Variants in ETAA1 observed in about 807,000 individuals in gnomAD.
The protein encoded by ETAA1 is ewing's tumor-associated antigen 1.
Under a neutral mutation model 76.8 loss-of-function variants are expected in ETAA1, and 49 were observed. The observed-to-expected ratio is 0.64, with a 90% confidence interval of 0.51 to 0.81. The LOEUF (loss-of-function observed/expected upper bound fraction) is 0.81. ETAA1 is among the 30% of genes least tolerant of loss of function. The pLI, the probability that ETAA1 is intolerant of heterozygous loss-of-function variation, is 0.00. For missense variants in ETAA1, 1,099 were observed against 1,074.0 expected, an observed-to-expected ratio of 1.02 and a Z score of -0.32; for synonymous variants, 373 against 372.2, an observed-to-expected ratio of 1.00 and a Z score of -0.03.
At position 67,397,388 on chromosome 2, in the gene ETAA1, C is replaced by A. The variant is rs1262762384; in HGVS notation, c.-61C>A. 4 of 1,495,516 alleles carry A rather than the reference C, an allele frequency of 2.7e-6. No individual in the cohort carries two copies. The Admixed American group carries it at 5.9e-5, about 22-fold the overall frequency. 92.6% of individuals were successfully genotyped at this position (1,495,516 alleles called of 1,614,324 possible). ...GGGGTGCGGTTTGTAGTGCTGTTGC[C>A]CTACTCATCCCTTTGCAAAATGTGA... is the stretch of plus-strand genomic sequence containing the variant. On this transcript the variant is annotated 5_prime_UTR_variant, in exon 1 of 6. Transcript: ENST00000272342.
At position 67,397,677 on chromosome 2, in the gene ETAA1, A is replaced by G; in HGVS notation, c.223+6A>G. 4.5e-6 allele frequency: 7 copies of G among 1,544,726 alleles called. No homozygotes were observed. The South Asian group carries it at 7.2e-5, about 16-fold the overall frequency. On this transcript the variant is annotated splice_donor_region_variant and intron_variant, in intron 1 of 5. Transcript: ENST00000272342. Reference sequence around the variant, plus strand: ...CAGTAAAAGTAACCCCGAGGGTGAGACGTCGGCAGCGCGGCCTGCCTTGGC... The same window carrying G: ...CAGTAAAAGTAACCCCGAGGGTGAGGCGTCGGCAGCGCGGCCTGCCTTGGC...
Position 67,399,212 on chromosome 2 carries a change from G to T in ETAA1, c.267G>T (p.Leu89=). 1.2e-6 allele frequency: 2 copies of T among 1,613,478 alleles called. No individual in the cohort carries two copies. The highest frequency in any genetic ancestry group is 1.7e-6 in the Non-Finnish European group (2 of 1,179,528). ...TPKRALKMDS[L]SSSFSSPNDP... ...AGAGAGCGCTGAAAATGGACTCACT[G>T]TCATCTTCCTTCAGTTCTCCTAATG... Residue 89 remains leucine (L), a synonymous_variant, in exon 2 of 6, where the codon CTG becomes CTT. Transcript: ENST00000272342.
In ETAA1 at chr2:67,397,941, C is replaced by T. The variant is rs977584546; in HGVS notation, c.223+270C>T. Among the ~76,000 whole-genome samples the T allele has an allele frequency of 2.0e-5, 3 of 152,320 alleles. No individual in the cohort carries two copies. The South Asian group carries it at 6.2e-4, about 32-fold the overall frequency. On this transcript the variant is annotated intron_variant, in intron 1 of 5. Coordinates refer to ENST00000272342, the MANE Select transcript of ETAA1 (RefSeq NM_019002.4). ...TTACCTGTTTGCGGGAGGGCGGCTG[C>T]TTTCCAGGCTGCTCCTCCAGTCAGC...
In ETAA1 at chr2:67,397,396, T is replaced by C. The variant is rs1675901335; in HGVS notation, c.-53T>C. ...GTTTGTAGTGCTGTTGCCCTACTCA[T>C]CCCTTTGCAAAATGTGAAAGAAGAA... On this transcript the variant is annotated 5_prime_UTR_variant, in exon 1 of 6. Transcript: ENST00000272342. 1.3e-6 allele frequency: 2 copies of C among 1,533,352 alleles called. No individual in the cohort carries two copies. The highest frequency in any genetic ancestry group is 2.7e-5 in the African/African-American group (2 of 72,828). The allele number at this position is 1,533,352 out of a possible 1,614,324, so 95.0% of individuals were successfully genotyped here. A position where few individuals can be genotyped will look rare whatever the true frequency, so the allele number is the denominator to read the frequency against.
In ETAA1 at chr2:67,403,264, G is replaced by A. The variant is rs138219458; in HGVS notation, c.582G>A (p.Leu194=). The A allele has an allele frequency of 4.5e-5, 72 of 1,587,782 alleles. No individual in the cohort carries two copies. The highest frequency in any genetic ancestry group is 5.6e-5 in the Non-Finnish European group (66 of 1,171,144). ...TQSQEEELMK[L]AKQFDKNMEE... ...GTCAAGAAGAAGAACTTATGAAACT[G>A]GCTAAACAATTTGATAAAAATATGG... The change falls in exon 5 of 6, where the codon CTG becomes CTA. Residue 194 remains leucine, a synonymous_variant. Coordinates refer to ENST00000272342, the MANE Select transcript of ETAA1 (RefSeq NM_019002.4).
chr2:67,399,398 A>C, intron 2 of ETAA1, 101 bp downstream of exon 2: 1 of 1,205,716 alleles, frequency 8.3e-7, no homozygotes, highest in Non-Finnish European at 1.2e-6. Flanking sequence ...ACCTCTGAGA[A>C]TGTTATATGA....
Position 67,397,581 on chromosome 2 carries a change from C to T in ETAA1, c.133C>T (p.Pro45Ser), listed in dbSNP as rs750398783. Reference protein sequence around the residue: ...RRLRSARGSWPCGAREGPPGP... With the variant: ...RRLRSARGSWSCGAREGPPGP... ...GCTGAGATCGGCCCGCGGTTCGTGG[C>T]CCTGCGGGGCTAGAGAGGGGCCTCC... The change falls in exon 1 of 6, where the codon CCC becomes TCC. Residue 45 changes from proline (P) to serine (S), a missense_variant. By Grantham distance (74) the Pro-to-Ser change is moderately conservative. This residue lies in a region of ETAA1 where 761 missense variants were observed against 731.9 expected (regional missense o/e 1.04). Transcript: ENST00000272342. 1 of 1,558,208 alleles carries T rather than the reference C, an allele frequency of 6.4e-7. No homozygotes were observed. Among genetic ancestry groups the T allele is most frequent in the South Asian group, 1.2e-5 (1 of 84,886 alleles).
intron 1 of ETAA1, among the ~76,000 whole-genome samples, chr2:67,398,538 G>A (rs1043815252): frequency 5.3e-5 from 8 of 151,714 alleles, no homozygotes; most frequent in Admixed American, 2.6e-4. Flanking sequence ...GGGTTTCACC[G>A]TGTTAGCCAG....
At chr2:67,398,500 T>G (rs2103738593) in intron 1 of ETAA1, among the ~76,000 whole-genome samples, 1 of 151,952 alleles carries the variant, frequency 6.6e-6, no homozygotes, top group Non-Finnish European at 1.5e-5. Flanking sequence ...CTCGCCCGGC[T>G]AATTTTTTGT....
Position 67,403,671 on chromosome 2 carries a change from T to C in ETAA1, c.989T>C (p.Leu330Pro). ...KEEKIITNET[L>P]VIEKLSNKTP... is the part of the protein sequence containing the mutation. The stretch of plus-strand genomic sequence containing the variant: ...GAGAAAATCATTACTAATGAAACTC[T>C]GGTCATTGAAAAACTGTCAAATAAA... Residue 330 changes from leucine (L) to proline (P), a missense_variant, in exon 5 of 6, where the codon CTG becomes CCG. This residue lies in a region of ETAA1 where 761 missense variants were observed against 731.9 expected (regional missense o/e 1.04). Coordinates refer to ENST00000272342, the MANE Select transcript of ETAA1 (RefSeq NM_019002.4). 6.2e-7 allele frequency: 1 copy of C among 1,613,424 alleles called. No homozygotes were observed. Among genetic ancestry groups the C allele is most frequent in the Non-Finnish European group, 8.5e-7 (1 of 1,179,480 alleles).
intron 3 of ETAA1, chr2:67,401,294 A>T (rs1025159600): frequency 2.0e-5 from 3 of 152,034 alleles, no homozygotes; most frequent in African/African-American, 7.2e-5. Context: ...TCTCAGAATG[A>T]CAAATACTTA....
Position 67,404,082 on chromosome 2 carries a change from C to CAA in ETAA1, c.1402_1403dup (p.Asn468LysfsTer13). 1 of 1,595,598 alleles carries CAA rather than the reference C, an allele frequency of 6.3e-7. No homozygotes were observed. Among genetic ancestry groups the CAA allele is most frequent in the South Asian group, 1.1e-5 (1 of 88,470 alleles). The stretch of plus-strand genomic sequence containing the variant: ...GCAGAATATAGATTTTCACCAAATT[C>CAA]AAATAAATCAAACAAATTATCCACT... On this transcript the variant is annotated frameshift_variant, in exon 5 of 6. Transcript: ENST00000272342. LOFTEE classifies it high-confidence loss of function.
intron 5 of ETAA1, among the ~76,000 whole-genome samples, chr2:67,408,290 G>A (rs1676272476): frequency 6.6e-6 from 1 of 151,998 alleles, no homozygotes; most frequent in Non-Finnish European, 1.5e-5. Flanking sequence ...TGTATAGCCA[G>A]CACACTAAAA....
chr2:67,406,009 CCTTTCAATT>C, intron 5 of ETAA1, among the ~76,000 whole-genome samples: 1 of 152,148 alleles, frequency 6.6e-6, no homozygotes, highest in East Asian at 1.9e-4. Context: ...TTATCTATCT[CCTTTCAATT>C]CTTATCTCCA....
At chr2:67,405,443 A>G (rs537555820) in intron 5 of ETAA1, 108 bp downstream of exon 5, 1 of 755,676 alleles carries the variant, frequency 1.3e-6, no homozygotes, top group Non-Finnish European at 2.0e-6. Flanking sequence ...AAACTATTCT[A>G]TGACTAGTTA....
At chr2:67,398,791 G>A (rs1189895973) in intron 1 of ETAA1, among the ~76,000 whole-genome samples, 2 of 152,142 alleles carry the variant, frequency 1.3e-5, no homozygotes, top group Non-Finnish European at 2.9e-5. Flanking sequence ...TTGGTGAAAG[G>A]GGGCTAAACA....
At position 67,410,530 on chromosome 2, in the gene ETAA1, T is replaced by C. The variant is rs980692222; in HGVS notation, c.*492T>C. On this transcript the variant is annotated 3_prime_UTR_variant, in exon 6 of 6. Coordinates refer to ENST00000272342, the MANE Select transcript of ETAA1 (RefSeq NM_019002.4). ...ATGGTTGATATGAAATAAAGGACTT[T>C]TTATTTGTAAGGAAATTATGTTCAG... is the stretch of plus-strand genomic sequence containing the variant. 6.6e-6 allele frequency: 1 copy of C among 152,088 alleles called. No homozygotes were observed. The highest frequency in any genetic ancestry group is 1.5e-5 in the Non-Finnish European group (1 of 67,974). 9.4% of individuals were successfully genotyped at this position (152,088 alleles called of 1,614,324 possible). A position where few individuals can be genotyped will look rare whatever the true frequency, so the allele number is the denominator to read the frequency against.
At position 67,403,977 on chromosome 2, in the gene ETAA1, C is replaced by T. The variant is rs928656658; in HGVS notation, c.1295C>T (p.Thr432Ile). The change falls in exon 5 of 6, where the codon ACA becomes ATA. Residue 432 changes from threonine to isoleucine, a missense_variant. This residue lies in a region of ETAA1 where 761 missense variants were observed against 731.9 expected (regional missense o/e 1.04). Transcript: ENST00000272342. The part of the protein sequence containing the change: ...KTVKNTSRAN[T>I]SPDARLGDSK... The stretch of plus-strand genomic sequence containing the variant: ...GTTAAAAATACGTCAAGAGCAAATA[C>T]AAGTCCAGATGCCAGGTTAGGAGAT... The T allele has an allele frequency of 6.2e-7, 1 of 1,608,284 alleles. No individual in the cohort carries two copies. The highest frequency in any genetic ancestry group is 8.5e-7 in the Non-Finnish European group (1 of 1,177,988).
At position 67,397,473 on chromosome 2, in the gene ETAA1, G is replaced by A. The variant is rs1675904009; in HGVS notation, c.25G>A (p.Asp9Asn). 3.1e-6 allele frequency: 5 copies of A among 1,601,686 alleles called. No homozygotes were observed. In the South Asian group the frequency reaches 4.5e-5, roughly 14 times the overall value. Residue 9 changes from aspartate (D) to asparagine (N), a missense_variant, in exon 1 of 6, where the codon GAC becomes AAC. By Grantham distance (23) the Asp-to-Asn change is conservative. Around this residue, in one of 3 missense-constraint regions of ETAA1, gnomAD observed 761 missense variants for 731.9 expected, o/e 1.04. Coordinates refer to ENST00000272342, the MANE Select transcript of ETAA1 (RefSeq NM_019002.4). MSRRRKHD[D>N]SPSPKKTPHK... ...AATGAGTCGGCGAAGGAAACATGAT[G>A]ACAGCCCTAGCCCGAAGAAAACGCC...
Sources: gnomAD v4.1 joint callset for allele counts (sites outside exome capture counted in the v4.1 genomes callset) on GRCh38, gnomAD v4.1.1 for gene constraint, gnomAD v4.1.1 regional missense constraint, MANE v1.5 for transcripts, NCBI Gene and HGNC (gene_info 2026-07-23, HGNC 2026-07-21) for gene names.